Variants in ARHGEF10L observed in about 807,000 individuals in gnomAD.
ARHGEF10L encodes the protein Rho guanine nucleotide exchange factor 10 like.
A neutral mutation model predicts 141.2 loss-of-function variants in ARHGEF10L; 69 were observed. The ratio of observed to expected loss-of-function variants is 0.49; its 90% CI spans 0.40 to 0.60. ARHGEF10L has a LOEUF of 0.60. Among genes scored for constraint, ARHGEF10L ranks in the 20% least tolerant of loss-of-function variants. ARHGEF10L has a pLI of 0.00. For synonymous variants in ARHGEF10L, 711 were observed against 718.5 expected (o/e 0.99, Z 0.17); for missense variants, 1,482 against 1,734.3 (o/e 0.85, Z 2.58).
At chr1:17,696,653 T>C (rs2065524853) in intron 28 of ARHGEF10L, among the ~76,000 whole-genome samples, 195 bp from the exon 29 acceptor site, 1 of 152,204 alleles carries the variant, frequency 6.6e-6, no homozygotes, top group African/African-American at 2.4e-5. Context: ...AGGTGGTTTC[T>C]GTTCCACTCC....
the ARHGEF10L span, among the ~76,000 whole-genome samples, chr1:17,531,536 TA>T: frequency 6.6e-6 from 1 of 152,200 alleles, no homozygotes; most frequent in Middle Eastern, 3.2e-3. Flanking sequence ...ACAAGTCACT[TA>T]ACCTCTCTGG....
In ARHGEF10L at chr1:17,697,159, G is replaced by A. The variant is rs200263784; in HGVS notation, c.3619G>A (p.Asp1207Asn). Residue 1207 changes from aspartate to asparagine, a missense_variant, in exon 29 of 29, where the codon GAC becomes AAC. By Grantham distance (23) the Asp-to-Asn change is conservative. This residue lies in a region of ARHGEF10L where 858 missense variants were observed against 966.3 expected (regional missense o/e 0.89). Transcript: ENST00000361221. This position sits in a 1 kb window ranked among gnomAD's most constrained non-coding sequence, Gnocchi z 4.8. ...DGAALEHSEE[D>N]GSIYEMADDP... Reference sequence around the variant, plus strand: ...CGCAGCTTTGGAGCACAGCGAGGAGGACGGCTCCATTTACGAGATGGCCGA... The same window carrying A: ...CGCAGCTTTGGAGCACAGCGAGGAGAACGGCTCCATTTACGAGATGGCCGA... 5.2e-4 allele frequency: 839 copies of A among 1,611,996 alleles called. 2 individuals carry two copies. Among genetic ancestry groups the A allele is most frequent in the Non-Finnish European group, 6.7e-4 (786 of 1,179,496 alleles).
At position 17,621,982 on chromosome 1, in the gene ARHGEF10L, C is replaced by T; in HGVS notation, c.1020+41C>T. On this transcript the variant is annotated intron_variant, in intron 11 of 28. Coordinates refer to ENST00000361221, the MANE Select transcript of ARHGEF10L (RefSeq NM_018125.4). The surrounding 1 kb of genome is among the most constrained non-coding windows in gnomAD (Gnocchi z 4.1). ...GTTCTCAAGGGTCTCTGGGGAGAAG[C>T]AGGGAGGGCCCTGGAGGGTAACTTT... The T allele has an allele frequency of 6.2e-7, 1 of 1,606,016 alleles. No individual in the cohort carries two copies. The highest frequency in any genetic ancestry group is 8.5e-7 in the Non-Finnish European group (1 of 1,172,786).
intron 25 of ARHGEF10L, among the ~76,000 whole-genome samples, chr1:17,664,123 G>A (rs985651254): frequency 6.6e-6 from 1 of 152,168 alleles, no homozygotes; most frequent in Non-Finnish European, 1.5e-5. Flanking sequence ...CATGGGTGGA[G>A]TAGGTGCTTA....
chr1:17,547,614 T>C (rs2076961701), intron 1 of ARHGEF10L, among the ~76,000 whole-genome samples: 1 of 152,148 alleles, frequency 6.6e-6, no homozygotes, highest in South Asian at 2.1e-4. Flanking sequence ...ATGGTTAAAT[T>C]AAGTAGGAAA....
intron 7 of ARHGEF10L, 135 bp from the exon 8 acceptor site, chr1:17,612,923 A>G: frequency 6.2e-6 from 4 of 647,310 alleles, no homozygotes; most frequent in Non-Finnish European, 1.1e-5. Flanking sequence ...GGGGTGCCGC[A>G]TCCCGCCTGC....
Position 17,621,805 on chromosome 1 carries a change from C to A in ARHGEF10L, c.943-59C>A. On this transcript the variant is annotated intron_variant, in intron 10 of 28. Transcript: ENST00000361221. This position sits in a 1 kb window ranked among gnomAD's most constrained non-coding sequence, Gnocchi z 4.1. ...TATAGTTGTCAGCTCCCCTTCCTGT[C>A]ACTTGGGCCCTGTGCAGCAGGTGTC... The A allele has an allele frequency of 8.8e-7, 1 of 1,132,684 alleles. No homozygotes were observed. The highest frequency in any genetic ancestry group is 1.2e-6 in the Non-Finnish European group (1 of 809,842). The allele number at this position is 1,132,684 out of a possible 1,614,324, so 70.2% of individuals were successfully genotyped here. A position where few individuals can be genotyped will look rare whatever the true frequency, so the allele number is the denominator to read the frequency against.
the ARHGEF10L span, among the ~76,000 whole-genome samples, chr1:17,534,554 C>T: frequency 6.6e-6 from 1 of 151,190 alleles, no homozygotes; most frequent in African/African-American, 2.4e-5. Flanking sequence ...AGTCATGGTG[C>T]CTGGCCAGCC....
rs1268096487 is a variant in ARHGEF10L at position 17,673,588 on chromosome 1, C to T, written c.3009+8993C>T. Among the ~76,000 whole-genome samples, 3 of 152,094 alleles carry T rather than the reference C, an allele frequency of 2.0e-5. No homozygotes were observed. The highest frequency in any genetic ancestry group is 2.4e-5 in the African/African-American group (1 of 41,388). On this transcript the variant is annotated intron_variant, in intron 26 of 28. Transcript: ENST00000361221. The surrounding 1 kb of genome is among the most constrained non-coding windows in gnomAD (Gnocchi z 4.1). ...CTAATGCACACTCAGGCAGAGTGGCCGCTACGCAATGGTCCTCTGTGAGCC... is the reference window on the plus strand; with the variant it reads ...CTAATGCACACTCAGGCAGAGTGGCTGCTACGCAATGGTCCTCTGTGAGCC...
rs537994150 is a variant in ARHGEF10L, at chr1:17,627,272, C to T, written c.1411-58C>T. The T allele has an allele frequency of 2.7e-5, 43 of 1,582,730 alleles. No individual in the cohort carries two copies. The South Asian group carries it at 4.6e-4, about 17-fold the overall frequency. On this transcript the variant is annotated intron_variant, in intron 14 of 28. Coordinates refer to ENST00000361221, the MANE Select transcript of ARHGEF10L (RefSeq NM_018125.4). This position sits in a 1 kb window ranked among gnomAD's most constrained non-coding sequence, Gnocchi z 4.0. The stretch of plus-strand genomic sequence containing the variant: ...GGTTGCGCAGGGTGAGGCTTTGCCC[C>T]AGGCTGGGGTAGAGTTGGTCATGGG...
At position 17,696,835 on chromosome 1, in the gene ARHGEF10L, C is replaced by T. The variant is rs1294461008; in HGVS notation, c.3308-13C>T. 1 of 1,523,018 alleles carries T rather than the reference C, an allele frequency of 6.6e-7. No individual in the cohort carries two copies. Among genetic ancestry groups the T allele is most frequent in the East Asian group, 2.3e-5 (1 of 43,840 alleles). The allele number at this position is 1,523,018 out of a possible 1,614,324, so 94.3% of individuals were successfully genotyped here. A position where few individuals can be genotyped will look rare whatever the true frequency, so the allele number is the denominator to read the frequency against. On this transcript the variant is annotated splice_polypyrimidine_tract_variant and intron_variant, in intron 28 of 28. Coordinates refer to ENST00000361221, the MANE Select transcript of ARHGEF10L (RefSeq NM_018125.4). ...CCTTTGGGCCCCTTTCTCTCTCGCC[C>T]CATTTTCTGCAGGGAAAGGCATGGT...
chr1:17,660,801 G>C (rs936823822), intron 25 of ARHGEF10L, among the ~76,000 whole-genome samples: 1 of 152,212 alleles, frequency 6.6e-6, no homozygotes. Context: ...GTGCGTGTGG[G>C]TCTGTTTTCC....
chr1:17,625,973 C>CCCAT lies in ARHGEF10L; in HGVS notation c.1338_1339insTCCA (p.Asp447SerfsTer53). 1 of 1,613,948 alleles carries CCCAT rather than the reference C, an allele frequency of 6.2e-7. No individual in the cohort carries two copies. Among genetic ancestry groups the CCCAT allele is most frequent in the Non-Finnish European group, 8.5e-7 (1 of 1,179,896 alleles). On this transcript the variant is annotated frameshift_variant, in exon 14 of 29. Coordinates refer to ENST00000361221, the MANE Select transcript of ARHGEF10L (RefSeq NM_018125.4). LOFTEE classifies it high-confidence loss of function. The surrounding 1 kb of genome is among the most constrained non-coding windows in gnomAD (Gnocchi z 4.5). Reference sequence around the variant, plus strand: ...TCCACCAGCGACGGCAGGTGTGCAGCCCAGACCGTGTCACCCTCTACGGGC... The same window carrying CCCAT: ...TCCACCAGCGACGGCAGGTGTGCAGCCCATCCAGACCGTGTCACCCTCTACGGGC...
At chr1:17,659,303 C>T (rs1312453473) in intron 25 of ARHGEF10L, among the ~76,000 whole-genome samples, 1 of 152,152 alleles carries the variant, frequency 6.6e-6, no homozygotes, top group Non-Finnish European at 1.5e-5. Context: ...CCTGGTCTCC[C>T]CACCCGTACC....
At chr1:17,693,578 G>T (rs1434636315) in intron 27 of ARHGEF10L, among the ~76,000 whole-genome samples, 1 of 152,210 alleles carries the variant, frequency 6.6e-6, no homozygotes, top group Non-Finnish European at 1.5e-5. Flanking sequence ...CTGGGCAGTG[G>T]TGAGCAGCAG....
intron 7 of ARHGEF10L, among the ~76,000 whole-genome samples, chr1:17,611,670 G>A (rs2059557530): frequency 6.6e-6 from 1 of 151,994 alleles, no homozygotes; most frequent in Non-Finnish European, 1.5e-5. Context: ...TAAGCTCTGG[G>A]CTTTGCATGT....
chr1:17,547,203 C>T (rs2076948899), intron 1 of ARHGEF10L, among the ~76,000 whole-genome samples: 1 of 152,260 alleles, frequency 6.6e-6, no homozygotes, highest in South Asian at 2.1e-4. Flanking sequence ...ACTGAGCTCC[C>T]TGCCATGGGG....
intron 21 of ARHGEF10L, among the ~76,000 whole-genome samples, chr1:17,647,637 C>G (rs2061678680): frequency 6.6e-6 from 1 of 152,130 alleles, no homozygotes; most frequent in Non-Finnish European, 1.5e-5. Context: ...AGTGCAGACC[C>G]CCACTGACTA....
chr1:17,597,528 C>A (rs1198238900), intron 4 of ARHGEF10L, among the ~76,000 whole-genome samples: 1 of 152,184 alleles, frequency 6.6e-6, no homozygotes, highest in Non-Finnish European at 1.5e-5. Flanking sequence ...GTCCCTGCTC[C>A]CCCAACTTTA....
Sources: allele counts gnomAD v4.1 joint callset (sites outside exome capture counted in the v4.1 genomes callset), GRCh38; gene constraint gnomAD v4.1.1; regional missense constraint gnomAD v4.1.1; non-coding constraint Gnocchi (gnomAD v3.1); transcripts MANE v1.5; gene names NCBI Gene and HGNC (gene_info 2026-07-23, HGNC 2026-07-21).